The following TBK1 variants were observed in gnomAD, a reference collection of about 807,000 sequenced individuals.
TBK1 encodes the protein TANK binding kinase 1.
Under a neutral mutation model 99.9 loss-of-function variants are expected in TBK1, and 37 were observed. The ratio of observed to expected loss-of-function variants is 0.37; its 90% CI spans 0.28 to 0.49. The LOEUF (loss-of-function observed/expected upper bound fraction) is 0.49. Ranked by LOEUF, TBK1 falls within the 20% of genes least tolerant of loss-of-function variation. The pLI is 0.98. For synonymous variants in TBK1, 258 were observed against 279.8 expected, an observed-to-expected ratio of 0.92 and a Z score of 0.78; for missense variants, 644 against 872.5, an observed-to-expected ratio of 0.74 and a Z score of 3.30.
In TBK1 at chr12:64,496,961, T is replaced by C. The variant is rs2040932198; in HGVS notation, c.1773T>C (p.Tyr591=). 6.2e-7 allele frequency: 1 copy of C among 1,611,918 alleles called. No homozygotes were observed. The highest frequency in any genetic ancestry group is 8.5e-7 in the Non-Finnish European group (1 of 1,178,946). The change falls in exon 17 of 21, where the codon TAT becomes TAC. Residue 591 remains tyrosine, a synonymous_variant. Coordinates refer to ENST00000331710, the MANE Select transcript of TBK1 (RefSeq NM_013254.4). The stretch of plus-strand genomic sequence containing the variant: ...TTCTAAATTACAGGCAAAAACTGTA[T>C]TACCATGCCACAAAAGCTATGACGC... ...QIHKFDKQKL[Y]YHATKAMTHF...
At chr12:64,486,778 T>G (rs1433700907) in intron 11 of TBK1, among the ~76,000 whole-genome samples, 1 of 152,146 alleles carries the variant, frequency 6.6e-6, no homozygotes. Flanking sequence ...GCATACAGTT[T>G]AATGGTTTTT....
intron 5 of TBK1, among the ~76,000 whole-genome samples, chr12:64,473,241 G>T (rs1299980423): frequency 6.6e-6 from 1 of 152,176 alleles, no homozygotes; most frequent in East Asian, 1.9e-4. Context: ...GAAGCTCAGG[G>T]CCCAAGGTAG....
chr12:64,482,665 G>A (rs1018514590), intron 8 of TBK1, among the ~76,000 whole-genome samples: 1 of 152,152 alleles, frequency 6.6e-6, no homozygotes, highest in Non-Finnish European at 1.5e-5. Flanking sequence ...GACATGTTCA[G>A]ATATACAAAT....
chr12:64,479,995 C>T lies in TBK1; in HGVS notation c.702-17C>T, dbSNP rs368521004. 7 of 1,574,306 alleles carry T rather than the reference C, an allele frequency of 4.4e-6. No homozygotes were observed. In the African/African-American group the frequency reaches 8.1e-5, roughly 18 times the overall value. On this transcript the variant is annotated splice_polypyrimidine_tract_variant and intron_variant, in intron 6 of 20. Transcript: ENST00000331710. ...AAAATGAACTGCTTATTTTATTCTG[C>T]TTTTGTTCCTCCCAAGGTATAAAAT...
Position 64,480,030 on chromosome 12 carries a change from A to C in TBK1, c.720A>C (p.Gly240=). Reference sequence around the variant, plus strand: ...TCCCAAGGTATAAAATAATTACAGGAAAGCCTTCTGGTGCAATATCTGGAG... The same window carrying C: ...TCCCAAGGTATAAAATAATTACAGGCAAGCCTTCTGGTGCAATATCTGGAG... ...NKEVMYKIIT[G]KPSGAISGVQ... is the part of the protein sequence containing the mutation. The change falls in exon 7 of 21, where the codon GGA becomes GGC. Residue 240 remains glycine, a synonymous_variant. Coordinates refer to ENST00000331710, the MANE Select transcript of TBK1 (RefSeq NM_013254.4). 3 of 1,611,980 alleles carry C rather than the reference A, an allele frequency of 1.9e-6. No homozygotes were observed. The highest frequency in any genetic ancestry group is 2.5e-6 in the Non-Finnish European group (3 of 1,178,806).
chr12:64,494,585 A>G (rs573163047), intron 13 of TBK1, among the ~76,000 whole-genome samples: 40 of 152,320 alleles, frequency 2.6e-4, no homozygotes, highest in African/African-American at 9.6e-4. Context: ...AACTCATACA[A>G]ATTGATAAGG....
chr12:64,472,167 A>G (rs2040668627), intron 5 of TBK1, among the ~76,000 whole-genome samples: 1 of 151,636 alleles, frequency 6.6e-6, no homozygotes, highest in African/African-American at 2.4e-5. Context: ...ACTCACGTCA[A>G]TACCCAGTTC....
intron 9 of TBK1, 87 bp downstream of exon 9, chr12:64,484,586 A>G (rs989203677): frequency 3.9e-5 from 52 of 1,332,716 alleles, no homozygotes; most frequent in Middle Eastern, 4.6e-4. Flanking sequence ...TGTCTCTACA[A>G]AAAAATAAAA....
intron 3 of TBK1, among the ~76,000 whole-genome samples, chr12:64,462,683 T>C (rs1205106897): frequency 2.0e-5 from 3 of 152,038 alleles, no homozygotes; most frequent in Non-Finnish European, 4.4e-5. Context: ...TGGAGATATG[T>C]AGAAAAAAAT....
At chr12:64,480,470 T>C (rs1267099565) in intron 7 of TBK1, among the ~76,000 whole-genome samples, 1 of 152,140 alleles carries the variant, frequency 6.6e-6, no homozygotes, top group Non-Finnish European at 1.5e-5. Flanking sequence ...GGATTAGATA[T>C]GAGTAAATTT....
chr12:64,460,481 C>A, intron 3 of TBK1, 152 bp downstream of exon 3: 1 of 516,542 alleles, frequency 1.9e-6, no homozygotes, highest in Non-Finnish European at 3.2e-6. Context: ...ATATATAGAA[C>A]AATAGAAATA....
intron 4 of TBK1, among the ~76,000 whole-genome samples, chr12:64,466,082 G>A (rs1217037587): frequency 6.6e-6 from 1 of 152,124 alleles, no homozygotes; most frequent in Non-Finnish European, 1.5e-5. Context: ...GATTATTTAG[G>A]TGAGGATACA....
intron 9 of TBK1, 23 bp from the exon 10 acceptor site, chr12:64,485,432 T>G: frequency 2.9e-6 from 4 of 1,369,834 alleles, no homozygotes; most frequent in Non-Finnish European, 4.0e-6. Context: ...TTCTTTCTCA[T>G]TTTATTTTAC....
chr12:64,492,286 G>T (rs184041939), intron 13 of TBK1, among the ~76,000 whole-genome samples: 10 of 152,178 alleles, frequency 6.6e-5, no homozygotes, highest in Admixed American at 2.0e-4. Flanking sequence ...TGACATTCCT[G>T]TGAGATTAAG....
At chr12:64,479,797 T>A (rs1038266439) in intron 6 of TBK1, among the ~76,000 whole-genome samples, 1 of 152,166 alleles carries the variant, frequency 6.6e-6, no homozygotes, top group Admixed American at 6.5e-5. Context: ...TGAAAATTAA[T>A]TATGGCATAT....
At chr12:64,463,668 C>T (rs1174505545) in intron 3 of TBK1, among the ~76,000 whole-genome samples, 1 of 139,444 alleles carries the variant, frequency 7.2e-6, no homozygotes, top group Non-Finnish European at 1.5e-5. Context: ...CATTGCACTC[C>T]AGTCTGGGTG....
At chr12:64,476,018 G>T (rs1419154363) in intron 6 of TBK1, among the ~76,000 whole-genome samples, 1 of 151,970 alleles carries the variant, frequency 6.6e-6, no homozygotes, top group Non-Finnish European at 1.5e-5. Context: ...AACCTCACCA[G>T]CATCTGTTAC....
intron 12 of TBK1, among the ~76,000 whole-genome samples, chr12:64,489,632 A>G (rs1329145639): frequency 3.3e-5 from 5 of 150,926 alleles, no homozygotes; most frequent in Non-Finnish European, 7.4e-5. Flanking sequence ...GCAGTGATGC[A>G]ATCACTGCTC....
intron 3 of TBK1, 99 bp downstream of exon 3, chr12:64,460,428 T>C (rs529392133): frequency 3.2e-6 from 3 of 927,960 alleles, no homozygotes; most frequent in South Asian, 2.4e-5. Flanking sequence ...TGTTGAAAAT[T>C]AGGGTTTGTA....
Sources: allele counts gnomAD v4.1 joint callset (sites outside exome capture counted in the v4.1 genomes callset), GRCh38; gene constraint gnomAD v4.1.1; transcripts MANE v1.5; gene names NCBI Gene and HGNC (gene_info 2026-07-23, HGNC 2026-07-21).